VCAM1: variants seen among roughly 807,000 people sequenced by gnomAD.
VCAM1 encodes the protein vascular cell adhesion molecule 1.
Under a neutral mutation model 63.8 loss-of-function variants are expected in VCAM1, and 41 were observed. That is an observed-to-expected ratio of 0.64 (90% confidence interval 0.50 to 0.83). VCAM1 has a LOEUF of 0.83. Among genes scored for constraint, VCAM1 ranks in the 40% least tolerant of loss-of-function variants. VCAM1 has a pLI of 0.00. For synonymous variants in VCAM1, 338 were observed against 320.7 expected (o/e 1.05, Z -0.58); for missense variants, 798 against 875.5 (o/e 0.91, Z 1.12).
At chr1:100,728,386 T>C (rs920617984) in intron 4 of VCAM1, among the ~76,000 whole-genome samples, 25 of 152,224 alleles carry the variant, frequency 1.6e-4, no homozygotes, top group African/African-American at 6.0e-4. Flanking sequence ...TAAATGCTTG[T>C]CCACTGTGGG....
chr1:100,723,976 C>G (rs1006588993), intron 3 of VCAM1, among the ~76,000 whole-genome samples: 2 of 151,966 alleles, frequency 1.3e-5, no homozygotes, highest in Non-Finnish European at 2.9e-5. Context: ...GGAGTATTGC[C>G]AACTACGGCA....
chr1:100,722,394 G>T (rs1028281650), intron 2 of VCAM1, among the ~76,000 whole-genome samples: 18 of 152,098 alleles, frequency 1.2e-4, no homozygotes, highest in East Asian at 3.9e-4. Context: ...CTTAAAGTTG[G>T]TCTTCTCATT....
intron 4 of VCAM1, among the ~76,000 whole-genome samples, chr1:100,728,113 T>C (rs1035913813): frequency 1.3e-5 from 2 of 151,996 alleles, no homozygotes; most frequent in African/African-American, 2.4e-5. Context: ...TCTCCCTAAA[T>C]AGCAGTCATC....
chr1:100,729,666 T>A (rs1040494119), intron 5 of VCAM1, among the ~76,000 whole-genome samples: 1 of 152,040 alleles, frequency 6.6e-6, no homozygotes, highest in Admixed American at 6.5e-5. Flanking sequence ...GGTGAGTGCA[T>A]TGGGGTCAGT....
chr1:100,732,546 A>G lies in VCAM1; in HGVS notation c.1654A>G (p.Asn552Asp). ...PKILWSRQLPNGELQPLSENA... is the reference protein window; with the variant it reads ...PKILWSRQLPDGELQPLSENA... ...AATCCTGTGGAGCAGGCAGCTCCCT[A>G]ACGGGGAGCTACAGCCTCTTTCTGA... is the stretch of plus-strand genomic sequence containing the variant. Residue 552 changes from asparagine to aspartate, a missense_variant, in exon 7 of 9, where the codon AAC becomes GAC. Coordinates refer to ENST00000294728, the MANE Select transcript of VCAM1 (RefSeq NM_001078.4). The G allele has an allele frequency of 6.2e-7, 1 of 1,613,224 alleles. No homozygotes were observed. Among genetic ancestry groups the G allele is most frequent in the Non-Finnish European group, 8.5e-7 (1 of 1,179,668 alleles).
At position 100,723,122 on chromosome 1, in the gene VCAM1, T is replaced by C; in HGVS notation, c.443T>C (p.Leu148Pro). 6.2e-7 allele frequency: 1 copy of C among 1,613,130 alleles called. No individual in the cohort carries two copies. The highest frequency in any genetic ancestry group is 8.5e-7 in the Non-Finnish European group (1 of 1,179,452). The stretch of plus-strand genomic sequence containing the variant: ...GCTGATGTATACCCATTTGACAGGC[T>C]GGAGATAGACTTACTGAAAGGAGAT... ...SVADVYPFDR[L>P]EIDLLKGDHL... The change falls in exon 3 of 9, where the codon CTG becomes CCG. Residue 148 changes from leucine to proline, a missense_variant. By Grantham distance (98) the Leu-to-Pro change is moderately conservative. Transcript: ENST00000294728.
At chr1:100,732,962 G>C (rs1490259540) in intron 7 of VCAM1, among the ~76,000 whole-genome samples, 1 of 152,178 alleles carries the variant, frequency 6.6e-6, no homozygotes, top group Admixed American at 6.6e-5. Flanking sequence ...TGAGGCAATG[G>C]TTATGGTATT....
Position 100,734,509 on chromosome 1 carries a change from A to G in VCAM1, c.1800A>G (p.Pro600=). ...KEVELIIQVT[P]KDIKLTAFPS... ...TTTAAATTCTCTTTACAGTTACTCC[A>G]AAAGACATAAAACTTACAGCTTTTC... The change falls in exon 8 of 9, where the codon CCA becomes CCG. Residue 600 remains proline (P), a synonymous_variant. Coordinates refer to ENST00000294728, the MANE Select transcript of VCAM1 (RefSeq NM_001078.4). 1 of 1,612,148 alleles carries G rather than the reference A, an allele frequency of 6.2e-7. No individual in the cohort carries two copies. The highest frequency in any genetic ancestry group is 8.5e-7 in the Non-Finnish European group (1 of 1,179,340).
Position 100,723,279 on chromosome 1 carries a change from C to G in VCAM1, c.600C>G (p.His200Gln). The stretch of plus-strand genomic sequence containing the variant: ...TTCTTGTTTGCCGAGCTAAATTACA[C>G]ATTGATGAAATGGATTCTGTGCCCA... ...GKVLVCRAKL[H>Q]IDEMDSVPTV... Residue 200 changes from histidine to glutamine, a missense_variant, in exon 3 of 9, where the codon CAC becomes CAG. By Grantham distance (24) the His-to-Gln change is conservative. Coordinates refer to ENST00000294728, the MANE Select transcript of VCAM1 (RefSeq NM_001078.4). The G allele has an allele frequency of 1.9e-6, 3 of 1,613,090 alleles. No homozygotes were observed. In the East Asian group the frequency reaches 6.7e-5, roughly 36 times the overall value.
chr1:100,723,196 C>T lies in VCAM1; in HGVS notation c.517C>T (p.Leu173=). Residue 173 remains leucine, a synonymous_variant, in exon 3 of 9, where the codon CTG becomes TTG. Transcript: ENST00000294728. The part of the protein sequence containing the change: ...EFLEDADRKS[L]ETKSLEVTFT... ...TCTGGAGGATGCAGACAGGAAGTCC[C>T]TGGAAACCAAGAGTTTGGAAGTAAC... 1 of 1,613,132 alleles carries T rather than the reference C, an allele frequency of 6.2e-7. No homozygotes were observed. Among genetic ancestry groups the T allele is most frequent in the Middle Eastern group, 1.7e-4 (1 of 6,056 alleles).
At chr1:100,734,330 A>G (rs3176874) in intron 7 of VCAM1, among the ~76,000 whole-genome samples, 172 bp from the exon 8 acceptor site, 18,701 of 152,242 alleles carry the variant, frequency 0.12, 1,280 homozygotes, top group Middle Eastern at 0.24. Context: ...TTAAAACATG[A>G]TCATTTCCAA....
At chr1:100,724,528 A>C in intron 3 of VCAM1, 96 bp from the exon 4 acceptor site, 1 of 1,417,476 alleles carries the variant, frequency 7.1e-7, no homozygotes, top group Non-Finnish European at 9.6e-7. Flanking sequence ...ATTTCATCAA[A>C]TTGGTGGAAG....
At position 100,723,358 on chromosome 1, in the gene VCAM1, G is replaced by C. The variant is rs181138481; in HGVS notation, c.661+18G>C. The C allele has an allele frequency of 3.1e-3, 5,036 of 1,606,532 alleles. 14 individuals carry two copies. The highest frequency in any genetic ancestry group is 3.8e-3 in the Non-Finnish European group (4,516 of 1,175,138). On this transcript the variant is annotated intron_variant, in intron 3 of 8. Coordinates refer to ENST00000294728, the MANE Select transcript of VCAM1 (RefSeq NM_001078.4). ...AGTCTACAGTAAGTACTTGTGCGATGTGTTCCAGTCTTTGTGGGAATCCCA... is the reference window on the plus strand; with the variant it reads ...AGTCTACAGTAAGTACTTGTGCGATCTGTTCCAGTCTTTGTGGGAATCCCA...
At position 100,731,255 on chromosome 1, in the gene VCAM1, T is replaced by C. The variant is rs767371594; in HGVS notation, c.1262T>C (p.Val421Ala). Reference sequence around the variant, plus strand: ...GGTGGCCTCGTGAATGGGAGCTCTGTCACTGTAAGCTGCAAGGTTCCTAGC... The same window carrying C: ...GGTGGCCTCGTGAATGGGAGCTCTGCCACTGTAAGCTGCAAGGTTCCTAGC... Reference protein sequence around the residue: ...MSGGLVNGSSVTVSCKVPSVY... With the variant: ...MSGGLVNGSSATVSCKVPSVY... Residue 421 changes from valine (V) to alanine (A), a missense_variant, in exon 6 of 9, where the codon GTC becomes GCC. By Grantham distance (64) the Val-to-Ala change is moderately conservative. Transcript: ENST00000294728. This position sits in a 1 kb window ranked among gnomAD's most constrained non-coding sequence, Gnocchi z 4.2. The C allele has an allele frequency of 1.1e-5, 18 of 1,613,528 alleles. No homozygotes were observed. The highest frequency in any genetic ancestry group is 1.0e-4 in the Admixed American group (6 of 59,922).
chr1:100,720,354 G>A (rs1659915411), intron 1 of VCAM1, 122 bp from the exon 2 acceptor site: 1 of 1,349,982 alleles, frequency 7.4e-7, no homozygotes, highest in African/African-American at 1.5e-5. Flanking sequence ...CTTGCAGTTA[G>A]TTTGAAGCAG....
In VCAM1 at chr1:100,729,302, T is replaced by G. The variant is rs201800927; in HGVS notation, c.1124T>G (p.Phe375Cys). The part of the protein sequence containing the change: ...NSTLTLSPVS[F>C]ENEHSYLCTV... ...ACGCTGACCCTGAGCCCTGTGAGTT[T>G]TGAGAACGAACACTCTTATCTGTGC... Residue 375 changes from phenylalanine (F) to cysteine (C), a missense_variant, in exon 5 of 9, where the codon TTT (phenylalanine) becomes TGT (cysteine). Coordinates refer to ENST00000294728, the MANE Select transcript of VCAM1 (RefSeq NM_001078.4). 5 of 1,613,542 alleles carry G rather than the reference T, an allele frequency of 3.1e-6. No individual in the cohort carries two copies.
At position 100,734,370 on chromosome 1, in the gene VCAM1, G is replaced by A. The variant is rs975489799; in HGVS notation, c.1793-132G>A. On this transcript the variant is annotated intron_variant, in intron 7 of 8. Coordinates refer to ENST00000294728, the MANE Select transcript of VCAM1 (RefSeq NM_001078.4). ...CCAGCAATGCTTGACTTCTTTACTTGCCCTTCTTAACATTTAATGCAAACG... is the reference window on the plus strand; with the variant it reads ...CCAGCAATGCTTGACTTCTTTACTTACCCTTCTTAACATTTAATGCAAACG... 15 of 953,052 alleles carry A rather than the reference G, an allele frequency of 1.6e-5. No homozygotes were observed. The South Asian group carries it at 2.1e-4, about 14-fold the overall frequency. The allele number at this position is 953,052 out of a possible 1,614,324, so 59.0% of individuals were successfully genotyped here. A position where few individuals can be genotyped will look rare whatever the true frequency, so the allele number is the denominator to read the frequency against.
intron 3 of VCAM1, among the ~76,000 whole-genome samples, chr1:100,723,787 A>G (rs1660056046): frequency 6.6e-6 from 1 of 152,050 alleles, no homozygotes; most frequent in Admixed American, 6.6e-5. Context: ...GCATATGCAC[A>G]TACATACATA....
intron 4 of VCAM1, among the ~76,000 whole-genome samples, chr1:100,725,340 C>A (rs375592494): frequency 1.3e-4 from 20 of 152,126 alleles, no homozygotes; most frequent in African/African-American, 4.8e-4. Flanking sequence ...TCTTCTTCAC[C>A]CCACTTGCCA....
Sources: allele counts gnomAD v4.1 joint callset (sites outside exome capture counted in the v4.1 genomes callset), GRCh38; gene constraint gnomAD v4.1.1; non-coding constraint Gnocchi (gnomAD v3.1); transcripts MANE v1.5; gene names NCBI Gene and HGNC (gene_info 2026-07-23, HGNC 2026-07-21).